PRUNE2: variants seen among roughly 807,000 people sequenced by gnomAD.
The protein encoded by PRUNE2 is protein prune homolog 2.
In PRUNE2, 164 loss-of-function variants were observed where a neutral mutation model predicts 252.0. The ratio of observed to expected loss-of-function variants is 0.65; its 90% CI spans 0.57 to 0.74. The LOEUF (loss-of-function observed/expected upper bound fraction) is 0.74, where lower values mean the gene tolerates loss of function less well. Among genes scored for constraint, PRUNE2 ranks in the 30% least tolerant of loss-of-function variants. The pLI is 0.00. For missense variants in PRUNE2, 3,495 were observed against 3,711.0 expected (o/e 0.94, Z 1.51); for synonymous variants, 1,292 against 1,350.2 (o/e 0.96, Z 0.94).
At chr9:76,834,372 T>G (rs775385062) in intron 4 of PRUNE2, among the ~76,000 whole-genome samples, 1 of 152,180 alleles carries the variant, frequency 6.6e-6, no homozygotes, top group Non-Finnish European at 1.5e-5. Context: ...CTCAGGATAG[T>G]CAGTAAATTT....
At chr9:76,768,583 ATGTG>A (rs55793596) in intron 6 of PRUNE2, among the ~76,000 whole-genome samples, 6,219 of 103,148 alleles carry the variant, frequency 0.06, 149 homozygotes, top group Non-Finnish European at 0.077. Flanking sequence ...ATGTATATGT[ATGTG>A]TGTGTGTGTG....
At chr9:76,682,725 G>A (rs1368994030) in intron 9 of PRUNE2, among the ~76,000 whole-genome samples, 1 of 152,068 alleles carries the variant, frequency 6.6e-6, no homozygotes, top group Admixed American at 6.6e-5. Context: ...ATATTTTGGG[G>A]AGTACATGTG....
At position 76,817,623 on chromosome 9, in the gene PRUNE2, T is replaced by C. The variant is rs541166523; in HGVS notation, c.756+6009A>G. On this transcript the variant is annotated intron_variant, in intron 6 of 18. Transcript: ENST00000376718. ...CTCCTGAGCAACCTTGGAAACCACA[T>C]ATTGAAGATGGTCTCTGAATCACCC... is the stretch of plus-strand genomic sequence containing the variant. 2.6e-5 allele frequency: 4 copies of C among 152,286 alleles called. No homozygotes were observed. The South Asian group carries it at 8.3e-4, about 32-fold the overall frequency. 9.4% of individuals were successfully genotyped at this position (152,286 alleles called of 1,614,324 possible).
chr9:76,704,816 T>C lies in PRUNE2; in HGVS notation c.7458A>G (p.Glu2486=). 1 of 1,586,892 alleles carries C rather than the reference T, an allele frequency of 6.3e-7. No homozygotes were observed. Among genetic ancestry groups the C allele is most frequent in the Non-Finnish European group, 8.6e-7 (1 of 1,164,770 alleles). The change falls in exon 8 of 19, where the codon GAA becomes GAG. Residue 2486 remains glutamate, a synonymous_variant. Transcript: ENST00000376718. ...GTAAATCAGAATTATCTGTTTCTAC[T>C]TCCCAGTCAACGTTTGATGGAGACA... ...NILSPSNVDW[E]VETDNSDLPA...
chr9:76,670,393 A>G (rs1172120485), intron 9 of PRUNE2, among the ~76,000 whole-genome samples: 1 of 152,034 alleles, frequency 6.6e-6, no homozygotes, highest in Non-Finnish European at 1.5e-5. Context: ...CCTGGCTCGG[A>G]GGGTCCTACA....
chr9:76,794,023 T>G (rs1029541461), intron 6 of PRUNE2, among the ~76,000 whole-genome samples: 2 of 152,242 alleles, frequency 1.3e-5, no homozygotes, highest in African/African-American at 4.8e-5. Flanking sequence ...AATGCTTTGC[T>G]TTGTCTGAAG....
chr9:76,789,741 T>G (rs1227246104), intron 6 of PRUNE2, among the ~76,000 whole-genome samples: 1 of 152,094 alleles, frequency 6.6e-6, no homozygotes, highest in Non-Finnish European at 1.5e-5. Context: ...ATTAACATTC[T>G]CCTGCCTGGG....
At chr9:76,677,663 C>G (rs1293509510) in intron 9 of PRUNE2, among the ~76,000 whole-genome samples, 5 of 152,158 alleles carry the variant, frequency 3.3e-5, no homozygotes, top group Non-Finnish European at 5.9e-5. Flanking sequence ...TCCATTGTTC[C>G]TCATTTTCCT....
intron 9 of PRUNE2, among the ~76,000 whole-genome samples, chr9:76,695,260 A>T (rs1974326): frequency 0.18 from 25,118 of 139,926 alleles, 2,525 homozygotes; most frequent in East Asian, 0.53. Flanking sequence ...CTGGTCTCGA[A>T]CTCCTCACCT....
At chr9:76,615,843 T>C (rs185977983) in intron 18 of PRUNE2, among the ~76,000 whole-genome samples, 20 of 140,868 alleles carry the variant, frequency 1.4e-4, no homozygotes, top group South Asian at 5.0e-4. Context: ...GATCTCGGCT[T>C]ACTGCAACCG....
At chr9:76,739,102 G>A (rs1430212287) in intron 6 of PRUNE2, 2 of 152,096 alleles carry the variant, frequency 1.3e-5, no homozygotes, top group African/African-American at 2.4e-5. Flanking sequence ...ACTACATTAC[G>A]CATGGATTAC....
At chr9:76,744,071 A>ACC (rs2049891081) in intron 6 of PRUNE2, among the ~76,000 whole-genome samples, 1 of 152,232 alleles carries the variant, frequency 6.6e-6, no homozygotes, top group Non-Finnish European at 1.5e-5. Context: ...TTGAGAGTTA[A>ACC]CTGAGGCGCC....
At chr9:76,857,018 T>C (rs1311573094) in intron 1 of PRUNE2, 1 of 454,890 alleles carries the variant, frequency 2.2e-6, no homozygotes. Context: ...CCTCCCAAAG[T>C]ACTGGGATTA....
At chr9:76,626,297 C>T (rs553875993) in intron 16 of PRUNE2, among the ~76,000 whole-genome samples, 1 of 152,156 alleles carries the variant, frequency 6.6e-6, no homozygotes, top group Non-Finnish European at 1.5e-5. Context: ...TTCATTTAAG[C>T]CCTTTGATGA....
chr9:76,823,769 GA>G (rs2058178197), intron 5 of PRUNE2, 43 bp from the exon 6 acceptor site: 1 of 1,256,364 alleles, frequency 8.0e-7, no homozygotes, highest in South Asian at 1.3e-5. Flanking sequence ...ATACTTGAGG[GA>G]TTTTTTTTTT....
At chr9:76,757,349 A>T (rs1274103662) in intron 6 of PRUNE2, among the ~76,000 whole-genome samples, 1 of 152,226 alleles carries the variant, frequency 6.6e-6, no homozygotes, top group Non-Finnish European at 1.5e-5. Flanking sequence ...CTGCCAGAAA[A>T]ATACTGTCAA....
At chr9:76,653,286 A>C (rs1848080935) in intron 10 of PRUNE2, among the ~76,000 whole-genome samples, 1 of 152,186 alleles carries the variant, frequency 6.6e-6, no homozygotes, top group Admixed American at 6.5e-5. Flanking sequence ...CTTGATATCC[A>C]TAAGGGATTG....
At chr9:76,720,291 T>G (rs1225986898) in intron 6 of PRUNE2, among the ~76,000 whole-genome samples, 1 of 94,034 alleles carries the variant, frequency 1.1e-5, no homozygotes, top group Admixed American at 9.6e-5. Context: ...TTCACTGATA[T>G]TTATTAAAGT....
rs561163455 is a variant in PRUNE2, at chr9:76,642,813, T to C, written c.8728+1926A>G. Among the ~76,000 whole-genome samples, 6 of 152,146 alleles carry C rather than the reference T, an allele frequency of 3.9e-5. No homozygotes were observed. In the East Asian group the frequency reaches 1.2e-3, roughly 29 times the overall value. On this transcript the variant is annotated intron_variant, in intron 12 of 18. Transcript: ENST00000376718. ...TACAGAGCACAAAAGCTGTTCAGGG[T>C]GTAGGAAAAGGTGGCATCTCTCTAA...
Sources: allele counts gnomAD v4.1 joint callset (sites outside exome capture counted in the v4.1 genomes callset), GRCh38; gene constraint gnomAD v4.1.1; transcripts MANE v1.5; gene names NCBI Gene and HGNC (gene_info 2026-07-23, HGNC 2026-07-21).